TRIM49: variants seen among roughly 807,000 people sequenced by gnomAD.
TRIM49 encodes the protein tripartite motif containing 49.
In TRIM49, 5 loss-of-function variants were observed where a neutral mutation model predicts 27.4. The observed-to-expected ratio is 0.18, with a 90% confidence interval of 0.10 to 0.38. The LOEUF is 0.38. Ranked by LOEUF, TRIM49 falls within the 10% of genes least tolerant of loss-of-function variation. The probability of loss-of-function intolerance (pLI) is 1.00; values close to 1 mark genes in which losing one functional copy is unlikely to be tolerated. For missense variants in TRIM49, 188 were observed against 487.5 expected (o/e 0.39, Z 5.79); for synonymous variants, 69 against 166.0 (o/e 0.42, Z 4.49).
downstream of TRIM49, among the ~76,000 whole-genome samples, chr11:89,794,397 C>G (rs1949674816): frequency 6.8e-6 from 1 of 146,610 alleles, no homozygotes; most frequent in Non-Finnish European, 1.5e-5. Context: ...CTTTAAAGTT[C>G]ATGTGGAACC....
At chr11:89,803,832 A>G in intron 3 of TRIM49, 39 bp from the exon 4 acceptor site, 1 of 982,654 alleles carries the variant, frequency 1.0e-6, no homozygotes, top group Non-Finnish European at 1.5e-6. Context: ...AGTGCAGACC[A>G]TGACATAGGG....
chr11:89,792,940 A>G (rs1158641051), downstream of TRIM49, among the ~76,000 whole-genome samples: 7 of 152,202 alleles, frequency 4.6e-5, no homozygotes, highest in African/African-American at 1.7e-4. Flanking sequence ...CCTTCAAAAG[A>G]TCAGTGAATC....
chr11:89,787,961 C>G, the TRIM49 span: 13,454 of 284,122 alleles, frequency 0.047, 26 homozygotes, highest in East Asian at 0.11. Context: ...TAGGATGCTC[C>G]CAGGAAGGGG....
downstream of TRIM49, among the ~76,000 whole-genome samples, chr11:89,794,660 G>C (rs903333147): frequency 6.9e-6 from 1 of 145,094 alleles, no homozygotes; most frequent in South Asian, 2.3e-4. Flanking sequence ...TTTAATAAAT[G>C]GTGCTGGGAA....
the TRIM49 span, among the ~76,000 whole-genome samples, chr11:89,773,047 C>T: frequency 7.3e-6 from 1 of 136,536 alleles, no homozygotes; most frequent in Non-Finnish European, 1.5e-5. Context: ...CAAAATTAGC[C>T]AGTCATGGTG....
downstream of TRIM49, among the ~76,000 whole-genome samples, chr11:89,793,352 A>C (rs1591510176): frequency 2.0e-5 from 3 of 152,172 alleles, no homozygotes; most frequent in South Asian, 6.2e-4. Flanking sequence ...CAATCAATAG[A>C]AAAAGAGGGA....
At chr11:89,774,472 T>C in the TRIM49 span, among the ~76,000 whole-genome samples, 1 of 148,610 alleles carries the variant, frequency 6.7e-6, no homozygotes, top group Non-Finnish European at 1.5e-5. Context: ...GAAGTGGGTG[T>C]GGTCTTCCGT....
chr11:89,795,765 T>C (rs866088913), downstream of TRIM49, among the ~76,000 whole-genome samples: 7 of 145,712 alleles, frequency 4.8e-5, no homozygotes, highest in Non-Finnish European at 1.1e-4. Context: ...AGGGATAGCA[T>C]TGGGAGATAT....
intron 4 of TRIM49, among the ~76,000 whole-genome samples, chr11:89,802,797 C>T (rs1365187943): frequency 4.0e-5 from 6 of 150,420 alleles, no homozygotes; most frequent in African/African-American, 9.9e-5. Context: ...CTCTATTGTC[C>T]TTTTCTACTT....
At position 89,804,200 on chromosome 11, in the gene TRIM49, C is replaced by G; in HGVS notation, c.270G>C (p.Glu90Asp). Reference sequence around the variant, plus strand: ...TCTCCCTGTGAGTGCCACACATTTGCTCCTCAGAGCTCAGGAATAGCCAGA... The same window carrying G: ...TCTCCCTGTGAGTGCCACACATTTGGTCCTCAGAGCTCAGGAATAGCCAGA... ...VSLWLFLSSEEQMCGTHRETK... is the reference protein window; with the variant it reads ...VSLWLFLSSEDQMCGTHRETK... The change falls in exon 3 of 8, where the codon GAG becomes GAC. Residue 90 changes from glutamate (E) to aspartate (D), a missense_variant. By Grantham distance (45) the Glu-to-Asp change is conservative. This residue lies in a region of TRIM49 where 21 missense variants were observed against 71.4 expected (regional missense o/e 0.29). Coordinates refer to ENST00000329758, the MANE Select transcript of TRIM49 (RefSeq NM_020358.2). The G allele has an allele frequency of 6.2e-7, 1 of 1,607,392 alleles. No homozygotes were observed. Among genetic ancestry groups the G allele is most frequent in the Non-Finnish European group, 8.5e-7 (1 of 1,177,614 alleles).
the TRIM49 span, among the ~76,000 whole-genome samples, chr11:89,772,327 T>G: frequency 2.3e-4 from 30 of 133,054 alleles, 1 homozygote; most frequent in Non-Finnish European, 4.0e-4. Flanking sequence ...TATTGATAGC[T>G]AAGTTTTGAG....
At chr11:89,777,318 CT>C in the TRIM49 span, 2 of 1,543,488 alleles carry the variant, frequency 1.3e-6, no homozygotes, top group African/African-American at 2.8e-5. Flanking sequence ...TCTGTGGGCC[CT>C]GCTCTGAGTC....
chr11:89,803,838 T>C (rs1176683084), intron 3 of TRIM49, 45 bp from the exon 4 acceptor site: 3 of 935,838 alleles, frequency 3.2e-6, no homozygotes, highest in East Asian at 5.3e-5. Flanking sequence ...GACCATGACA[T>C]AGGGAGGGGG....
chr11:89,773,199 A>T, the TRIM49 span, among the ~76,000 whole-genome samples: 1 of 135,110 alleles, frequency 7.4e-6, no homozygotes, highest in Non-Finnish European at 1.5e-5. Context: ...TCAAAAAAAA[A>T]GTAATAATAA....
chr11:89,768,028 T>C, the TRIM49 span, among the ~76,000 whole-genome samples: 1 of 137,968 alleles, frequency 7.2e-6, no homozygotes, highest in Non-Finnish European at 1.5e-5. Context: ...ATCTTTTATT[T>C]AGTTTTGTCT....
chr11:89,775,697 T>C, the TRIM49 span, among the ~76,000 whole-genome samples: 2 of 133,990 alleles, frequency 1.5e-5, no homozygotes, highest in Non-Finnish European at 1.5e-5. Context: ...GAATTGGCAA[T>C]GGGAAAAAAC....
the TRIM49 span, among the ~76,000 whole-genome samples, chr11:89,791,810 C>T: frequency 3.9e-5 from 6 of 152,172 alleles, no homozygotes; most frequent in Middle Eastern, 3.4e-3. Context: ...TAAAGACCAT[C>T]GATGCTAGGA....
chr11:89,783,791 C>T, the TRIM49 span, among the ~76,000 whole-genome samples: 1 of 145,752 alleles, frequency 6.9e-6, no homozygotes, highest in East Asian at 2.1e-4. Flanking sequence ...CCTGCTCTAA[C>T]AAAGACCACA....
intron 3 of TRIM49, 106 bp downstream of exon 3, chr11:89,803,953 C>T: frequency 6.2e-7 from 1 of 1,605,682 alleles, no homozygotes; most frequent in Non-Finnish European, 8.5e-7. Context: ...CCAAACAGAG[C>T]TGCTTAAAGG....
Sources: allele counts gnomAD v4.1 joint callset (sites outside exome capture counted in the v4.1 genomes callset), GRCh38; gene constraint gnomAD v4.1.1; regional missense constraint gnomAD v4.1.1; transcripts MANE v1.5; gene names NCBI Gene and HGNC (gene_info 2026-07-23, HGNC 2026-07-21).